Variants in LRRC4C observed in about 807,000 individuals in gnomAD.
LRRC4C encodes the protein leucine-rich repeat-containing protein 4C.
In LRRC4C, 5 loss-of-function variants were observed where a neutral mutation model predicts 33.6. The ratio of observed to expected loss-of-function variants is 0.15; its 90% CI spans 0.08 to 0.31. The LOEUF is 0.31. LRRC4C is among the 10% of genes least tolerant of loss of function. The pLI, the probability that LRRC4C is intolerant of heterozygous loss-of-function variation, is 1.00. For synonymous variants in LRRC4C, 329 were observed against 302.0 expected, an observed-to-expected ratio of 1.09 and a Z score of -0.93; for missense variants, 560 against 796.7, an observed-to-expected ratio of 0.70 and a Z score of 3.58.
chr11:40,455,254 C>T (rs191571751), intron 3 of LRRC4C, among the ~76,000 whole-genome samples: 5 of 152,276 alleles, frequency 3.3e-5, no homozygotes, highest in Non-Finnish European at 7.3e-5. Context: ...ATGGCTACTG[C>T]CTTTGTACAA....
At chr11:41,195,342 C>T (rs1210875527) in intron 1 of LRRC4C, among the ~76,000 whole-genome samples, 3 of 151,678 alleles carry the variant, frequency 2.0e-5, no homozygotes. Flanking sequence ...ATTCAGCTAT[C>T]GAAAAAAGGC....
intron 4 of LRRC4C, among the ~76,000 whole-genome samples, chr11:40,277,494 G>C (rs780363849): frequency 4.6e-5 from 7 of 151,998 alleles, no homozygotes; most frequent in African/African-American, 1.7e-4. Context: ...AAAGCGGTGA[G>C]GTTAAGGGAA....
At chr11:40,619,034 C>G (rs895407085) in intron 3 of LRRC4C, among the ~76,000 whole-genome samples, 1 of 151,622 alleles carries the variant, frequency 6.6e-6, no homozygotes, top group African/African-American at 2.4e-5. Context: ...GAGAAATAAA[C>G]CAGGCACAGA....
At chr11:40,811,526 C>G (rs1364933811) in intron 2 of LRRC4C, among the ~76,000 whole-genome samples, 2 of 152,144 alleles carry the variant, frequency 1.3e-5, no homozygotes, top group Non-Finnish European at 2.9e-5. Flanking sequence ...GAGATGGATT[C>G]TCTCTCTGTC....
Position 40,962,052 on chromosome 11 carries a change from GC to G in LRRC4C, c.-495-28330del, listed in dbSNP as rs573869072. On this transcript the variant is annotated intron_variant, in intron 1 of 6. Transcript: ENST00000528697. ...CTGGCCTGTAAGAAGCGGAATAATG[GC>G]CCCTCAAAGATAATCCATGTCCTGA... 1.5e-3 allele frequency among the ~76,000 whole-genome samples: 226 copies of G among 151,614 alleles called. 2 individuals carry two copies. The highest frequency in any genetic ancestry group is 5.4e-3 in the African/African-American group (222 of 41,450).
intron 2 of LRRC4C, among the ~76,000 whole-genome samples, chr11:40,770,209 C>T (rs539010166): frequency 3.3e-5 from 5 of 152,218 alleles, no homozygotes; most frequent in African/African-American, 1.2e-4. Context: ...TTAGGGAGGT[C>T]TCAGGAAACT....
intron 3 of LRRC4C, among the ~76,000 whole-genome samples, chr11:40,644,412 TTGTC>T (rs370492254): frequency 5.8e-4 from 89 of 152,272 alleles, no homozygotes; most frequent in Admixed American, 3.1e-3. Context: ...CAGCAATTGT[TTGTC>T]TGGCCATTTT....
intron 2 of LRRC4C, among the ~76,000 whole-genome samples, chr11:40,775,755 G>A (rs1269768017): frequency 6.6e-6 from 1 of 152,132 alleles, no homozygotes; most frequent in African/African-American, 2.4e-5. Context: ...TTTCTATTTG[G>A]ATGTCTTTTG....
At chr11:40,947,402 G>A (rs189390223) in intron 1 of LRRC4C, among the ~76,000 whole-genome samples, 5 of 152,210 alleles carry the variant, frequency 3.3e-5, no homozygotes, top group Admixed American at 2.0e-4. Flanking sequence ...TTGCTTTTAA[G>A]CTTTGTTGGT....
At chr11:40,561,169 C>G (rs1957532008) in intron 3 of LRRC4C, among the ~76,000 whole-genome samples, 1 of 152,064 alleles carries the variant, frequency 6.6e-6, no homozygotes, top group South Asian at 2.1e-4. Context: ...AATCACATAA[C>G]AGATGCATAA....
intron 1 of LRRC4C, among the ~76,000 whole-genome samples, chr11:41,342,645 GCA>G (rs984193701): frequency 1.3e-5 from 2 of 152,154 alleles, no homozygotes; most frequent in African/African-American, 4.8e-5. Context: ...AACCCTGGAG[GCA>G]GAGGTTTCAG....
chr11:40,614,477 T>C (rs1384799418), intron 3 of LRRC4C, among the ~76,000 whole-genome samples: 1 of 107,244 alleles, frequency 9.3e-6, no homozygotes, highest in Non-Finnish European at 2.2e-5. Flanking sequence ...TCCAGGCCAC[T>C]AGAACTTTCT....
At chr11:41,331,471 C>G (rs924388964) in intron 1 of LRRC4C, among the ~76,000 whole-genome samples, 1 of 152,140 alleles carries the variant, frequency 6.6e-6, no homozygotes, top group African/African-American at 2.4e-5. Flanking sequence ...TGGAAAATCA[C>G]GCCAAGTATT....
At chr11:40,264,367 T>C (rs1310710513) in intron 4 of LRRC4C, among the ~76,000 whole-genome samples, 1 of 152,226 alleles carries the variant, frequency 6.6e-6, no homozygotes, top group African/African-American at 2.4e-5. Context: ...CCATTCTCAA[T>C]TCTAAATCAT....
rs570479290 is a variant in LRRC4C, at chr11:41,385,875, A to T, written c.-496+73556T>A. On this transcript the variant is annotated intron_variant, in intron 1 of 6. Transcript: ENST00000528697. Reference sequence around the variant, plus strand: ...TAGAAACTAGAATAGATGATTTTTCATGAGTTTCAATCCTTTTAAGTTACA... The same window carrying T: ...TAGAAACTAGAATAGATGATTTTTCTTGAGTTTCAATCCTTTTAAGTTACA... Among the ~76,000 whole-genome samples, 5 of 151,728 alleles carry T rather than the reference A, an allele frequency of 3.3e-5. No homozygotes were observed. The South Asian group carries it at 1.0e-3, about 31-fold the overall frequency.
In LRRC4C at chr11:41,279,477, C is replaced by T. The variant is rs557925496; in HGVS notation, c.-496+179954G>A. Reference sequence around the variant, plus strand: ...GGGTACAAGAAGGCAGCTTCTTTGCCTCCAACTTTTGGTGCAATTCCAGCT... The same window carrying T: ...GGGTACAAGAAGGCAGCTTCTTTGCTTCCAACTTTTGGTGCAATTCCAGCT... On this transcript the variant is annotated intron_variant, in intron 1 of 6. Transcript: ENST00000528697. Among the ~76,000 whole-genome samples, 12 of 151,578 alleles carry T rather than the reference C, an allele frequency of 7.9e-5. No individual in the cohort carries two copies. The South Asian group carries it at 1.5e-3, about 18-fold the overall frequency.
intron 3 of LRRC4C, among the ~76,000 whole-genome samples, chr11:40,597,793 C>T (rs80020094): frequency 1.8e-4 from 27 of 152,242 alleles, no homozygotes; most frequent in African/African-American, 6.3e-4. Flanking sequence ...ACGTTGACAT[C>T]GCAGTCAGCC....
intron 4 of LRRC4C, among the ~76,000 whole-genome samples, chr11:40,243,667 C>CTT (rs1866094328): frequency 6.7e-6 from 1 of 149,394 alleles, no homozygotes; most frequent in African/African-American, 2.5e-5. Context: ...ATTTCCTAGA[C>CTT]ATACGGAAAA....
chr11:40,946,417 G>C (rs1958403472), intron 1 of LRRC4C, among the ~76,000 whole-genome samples: 1 of 152,088 alleles, frequency 6.6e-6, no homozygotes, highest in African/African-American at 2.4e-5. Flanking sequence ...TATCTTTTTA[G>C]TAGAACAACT....
Sources: gnomAD v4.1 joint callset for allele counts (sites outside exome capture counted in the v4.1 genomes callset) on GRCh38, gnomAD v4.1.1 for gene constraint, MANE v1.5 for transcripts, NCBI Gene and HGNC (gene_info 2026-07-23, HGNC 2026-07-21) for gene names.